The following SOX5 variants were observed in gnomAD, a reference collection of about 807,000 sequenced individuals.
The protein encoded by SOX5 is SRY-box transcription factor 5.
A neutral mutation model predicts 92.0 loss-of-function variants in SOX5; 9 were observed. The observed-to-expected ratio is 0.10, with a 90% CI of 0.06 to 0.17. The LOEUF is 0.17. Ranked by LOEUF, SOX5 falls within the 10% of genes least tolerant of loss-of-function variation. The probability of loss-of-function intolerance (pLI) is 1.00; values close to 1 mark genes in which losing one functional copy is unlikely to be tolerated. For synonymous variants in SOX5, 344 were observed against 336.3 expected, an observed-to-expected ratio of 1.02 and a Z score of -0.25; for missense variants, 642 against 944.5, an observed-to-expected ratio of 0.68 and a Z score of 4.20.
chr12:24,064,188 T>C (rs1229478473), intron 4 of SOX5, among the ~76,000 whole-genome samples: 1 of 152,198 alleles, frequency 6.6e-6, no homozygotes, highest in Non-Finnish European at 1.5e-5. Context: ...TCTTCTAAGC[T>C]CCCTTGTGAG....
intron 3 of SOX5, among the ~76,000 whole-genome samples, chr12:23,800,328 A>T (rs1348010137): frequency 6.6e-6 from 1 of 152,176 alleles, no homozygotes; most frequent in African/African-American, 2.4e-5. Flanking sequence ...CTGATAGGAA[A>T]CCCTGATAAG....
intron 1 of SOX5, among the ~76,000 whole-genome samples, chr12:24,398,141 C>T (rs1413239008): frequency 6.6e-6 from 1 of 152,166 alleles, no homozygotes; most frequent in Non-Finnish European, 1.5e-5. Flanking sequence ...TGAGCCACCA[C>T]ACCCGGCCAA....
intron 6 of SOX5, among the ~76,000 whole-genome samples, chr12:23,707,306 G>A (rs1217028162): frequency 1.3e-5 from 2 of 152,164 alleles, no homozygotes; most frequent in Non-Finnish European, 2.9e-5. Context: ...AACATCAAGA[G>A]AGGCCTGGCA....
At chr12:24,539,110 CA>C (rs1314229500) in intron 1 of SOX5, among the ~76,000 whole-genome samples, 2 of 151,750 alleles carry the variant, frequency 1.3e-5, no homozygotes, top group Non-Finnish European at 2.9e-5. Flanking sequence ...TTTAAGAAAA[CA>C]AAACTTTACA....
At chr12:23,713,895 C>A (rs1261153960) in intron 6 of SOX5, among the ~76,000 whole-genome samples, 1 of 151,040 alleles carries the variant, frequency 6.6e-6, no homozygotes, top group African/African-American at 2.4e-5. Flanking sequence ...AGTTCAAGAC[C>A]AGCCTGGCCA....
At chr12:23,737,909 A>C (rs2093661800) in intron 5 of SOX5, among the ~76,000 whole-genome samples, 3 of 152,348 alleles carry the variant, frequency 2.0e-5, no homozygotes, top group Admixed American at 6.5e-5. Context: ...CACCCATTTT[A>C]AAAGAACATA....
At chr12:23,849,157 A>T (rs1399648560) in intron 2 of SOX5, among the ~76,000 whole-genome samples, 1 of 152,226 alleles carries the variant, frequency 6.6e-6, no homozygotes, top group Non-Finnish European at 1.5e-5. Context: ...TATATGAAAT[A>T]ACCAGATACA....
intron 2 of SOX5, among the ~76,000 whole-genome samples, chr12:24,319,219 G>A (rs529314330): frequency 4.6e-5 from 7 of 152,000 alleles, no homozygotes; most frequent in Admixed American, 1.3e-4. Flanking sequence ...CAATAAACAC[G>A]CTCAAATTTC....
At chr12:23,973,512 C>A (rs902557519) in intron 4 of SOX5, among the ~76,000 whole-genome samples, 1 of 152,106 alleles carries the variant, frequency 6.6e-6, no homozygotes, top group Non-Finnish European at 1.5e-5. Flanking sequence ...TGTATATATA[C>A]AAAACAGAAT....
intron 2 of SOX5, among the ~76,000 whole-genome samples, chr12:24,319,102 G>T (rs1380919577): frequency 6.6e-6 from 1 of 152,096 alleles, no homozygotes; most frequent in Non-Finnish European, 1.5e-5. Context: ...CTTCTTCTGT[G>T]CTGGGATCAT....
At chr12:23,755,578 A>G in intron 4 of SOX5, 60 bp downstream of exon 4, 1 of 1,213,272 alleles carries the variant, frequency 8.2e-7, no homozygotes, top group Non-Finnish European at 1.2e-6. Flanking sequence ...CACCATTACT[A>G]TTTCTGAATA....
chr12:23,634,806 G>C (rs1322627510), intron 8 of SOX5, among the ~76,000 whole-genome samples: 3 of 151,998 alleles, frequency 2.0e-5, no homozygotes, highest in Admixed American at 2.0e-4. Context: ...TTTAAAAGGT[G>C]ATTAATTAAT....
intron 1 of SOX5, among the ~76,000 whole-genome samples, chr12:23,943,227 C>T (rs1943975641): frequency 6.6e-6 from 1 of 151,830 alleles, no homozygotes; most frequent in Non-Finnish European, 1.5e-5. Context: ...ACTTTGAATT[C>T]CTGGTCCCCA....
chr12:23,695,506 G>C (rs1024107363), intron 6 of SOX5, among the ~76,000 whole-genome samples: 21 of 152,146 alleles, frequency 1.4e-4, no homozygotes, highest in African/African-American at 4.3e-4. Flanking sequence ...TCTTAAATAA[G>C]TATTGAGTTT....
intron 11 of SOX5, among the ~76,000 whole-genome samples, chr12:23,547,908 G>C (rs1279566411): frequency 6.6e-6 from 1 of 152,054 alleles, no homozygotes; most frequent in African/African-American, 2.4e-5. Context: ...TGCTGAGAGA[G>C]TCGGCTGTAT....
chr12:23,569,546 TAA>T (rs1292402880), intron 10 of SOX5, among the ~76,000 whole-genome samples: 1 of 152,186 alleles, frequency 6.6e-6, no homozygotes, highest in Non-Finnish European at 1.5e-5. Context: ...TCACAAGGCC[TAA>T]GAGTCTCCTC....
intron 2 of SOX5, among the ~76,000 whole-genome samples, chr12:24,322,128 G>A (rs535993732): frequency 6.0e-4 from 91 of 152,098 alleles, no homozygotes; most frequent in African/African-American, 2.0e-3. Context: ...CAAATTCATC[G>A]TTCAATTTCT....
intron 8 of SOX5, among the ~76,000 whole-genome samples, chr12:23,628,890 C>T (rs569435472): frequency 7.9e-5 from 12 of 151,776 alleles, no homozygotes; most frequent in Admixed American, 7.2e-4. Context: ...AAACCCAGCT[C>T]GAAATTGTCA....
At chr12:24,551,340 G>C (rs1953139376) in intron 1 of SOX5, among the ~76,000 whole-genome samples, 2 of 2,196 alleles carry the variant, frequency 9.1e-4, no homozygotes, top group Admixed American at 0.014. Context: ...AGCACTGCTT[G>C]GTGACAGACA....
Sources: gnomAD v4.1 joint callset for allele counts (sites outside exome capture counted in the v4.1 genomes callset) on GRCh38, gnomAD v4.1.1 for gene constraint, MANE v1.5 for transcripts, NCBI Gene and HGNC (gene_info 2026-07-23, HGNC 2026-07-21) for gene names.